CTNND2: variants seen among roughly 807,000 people sequenced by gnomAD.
CTNND2 encodes catenin delta-2.
In CTNND2, 22 loss-of-function variants were observed where a neutral mutation model predicts 144.4. That is an observed-to-expected ratio of 0.15 (90% CI 0.11 to 0.22). The LOEUF is 0.22. Among genes scored for constraint, CTNND2 ranks in the 10% least tolerant of loss-of-function variants. The probability of loss-of-function intolerance (pLI) is 1.00; values close to 1 mark genes in which losing one functional copy is unlikely to be tolerated. For synonymous variants in CTNND2, 751 were observed against 695.6 expected (o/e 1.08, Z -1.25); for missense variants, 1,353 against 1,618.8 (o/e 0.84, Z 2.82).
chr5:11,864,155 G>A (rs1795630044), intron 1 of CTNND2, among the ~76,000 whole-genome samples: 1 of 152,040 alleles, frequency 6.6e-6, no homozygotes, highest in Non-Finnish European at 1.5e-5. Context: ...ACAACGAAAG[G>A]CAGGCTTCCA....
At chr5:11,277,564 C>T (rs1746674149) in intron 9 of CTNND2, among the ~76,000 whole-genome samples, 1 of 145,448 alleles carries the variant, frequency 6.9e-6, no homozygotes, top group Non-Finnish European at 1.5e-5. Context: ...GATGGAGTCT[C>T]TCTCTTACCC....
intron 1 of CTNND2, among the ~76,000 whole-genome samples, chr5:11,757,019 A>C (rs567112768): frequency 1.9e-3 from 281 of 151,864 alleles, no homozygotes; most frequent in African/African-American, 6.3e-3. Flanking sequence ...TCTGGTTTTC[A>C]AATATTCAAA....
intron 9 of CTNND2, among the ~76,000 whole-genome samples, chr5:11,289,007 C>T (rs1049232177): frequency 6.6e-6 from 1 of 152,152 alleles, no homozygotes; most frequent in Non-Finnish European, 1.5e-5. Context: ...ATAGAATCCC[C>T]ATGTGGCCTT....
rs1189834875 is a variant in CTNND2, at chr5:11,687,071, T to G, written c.174+45065A>C. Among the ~76,000 whole-genome samples, 3 of 152,120 alleles carry G rather than the reference T, an allele frequency of 2.0e-5. No individual in the cohort carries two copies. The East Asian group carries it at 5.8e-4, about 29-fold the overall frequency. On this transcript the variant is annotated intron_variant, in intron 2 of 21. Transcript: ENST00000304623. ...TTAAACTCACCCTCTCTCCCCATTT[T>G]CAATATAATTCACCTGGTTAAGTTC...
chr5:11,464,152 T>C (rs1018128604), intron 3 of CTNND2, among the ~76,000 whole-genome samples: 4 of 152,224 alleles, frequency 2.6e-5, no homozygotes, highest in African/African-American at 9.6e-5. Flanking sequence ...CCTAGTCCTC[T>C]TTAGGCATTG....
chr5:11,358,071 A>G (rs748714125), intron 8 of CTNND2, among the ~76,000 whole-genome samples: 6 of 152,114 alleles, frequency 3.9e-5, no homozygotes, highest in Non-Finnish European at 7.4e-5. Context: ...ATTCTTTTCA[A>G]CATTGCTACG....
intron 12 of CTNND2, among the ~76,000 whole-genome samples, chr5:11,125,469 C>T (rs1387154910): frequency 1.3e-5 from 2 of 152,248 alleles, no homozygotes; most frequent in Non-Finnish European, 2.9e-5. Context: ...GCCTCCTCAT[C>T]CGGGAGGTGC....
chr5:11,101,885 A>ATGTG (rs1491537465), intron 14 of CTNND2, among the ~76,000 whole-genome samples: 2 of 89,580 alleles, frequency 2.2e-5, no homozygotes, highest in African/African-American at 4.6e-5. Context: ...TGACGACCAC[A>ATGTG]TATGTGTGTG....
intron 18 of CTNND2, among the ~76,000 whole-genome samples, chr5:11,016,137 C>A (rs1431771099): frequency 6.6e-6 from 1 of 152,136 alleles, no homozygotes; most frequent in East Asian, 1.9e-4. Context: ...GGAGGGCTGA[C>A]TAATTTCCAT....
chr5:11,458,331 T>G (rs1211440939), intron 3 of CTNND2, among the ~76,000 whole-genome samples: 2 of 152,178 alleles, frequency 1.3e-5, no homozygotes, highest in Non-Finnish European at 2.9e-5. Flanking sequence ...ATTGGGTAGT[T>G]TATACACACA....
chr5:11,335,685 T>C (rs1753663798), intron 9 of CTNND2, among the ~76,000 whole-genome samples: 1 of 152,162 alleles, frequency 6.6e-6, no homozygotes, highest in Admixed American at 6.6e-5. Context: ...ACTGACTTCC[T>C]AGGACTAAAT....
At chr5:11,164,629 C>T (rs1337693602) in intron 11 of CTNND2, among the ~76,000 whole-genome samples, 1 of 152,160 alleles carries the variant, frequency 6.6e-6, no homozygotes, top group African/African-American at 2.4e-5. Context: ...ACACAAGCTC[C>T]TTTGTGTCGC....
intron 9 of CTNND2, among the ~76,000 whole-genome samples, chr5:11,272,967 A>G (rs1746172160): frequency 6.6e-6 from 1 of 152,206 alleles, no homozygotes. Context: ...GTCTGATGAC[A>G]GGGAACACTA....
intron 3 of CTNND2, among the ~76,000 whole-genome samples, chr5:11,488,826 T>C (rs932709543): frequency 1.3e-5 from 2 of 152,238 alleles, no homozygotes; most frequent in Non-Finnish European, 2.9e-5. Flanking sequence ...CATAATCTTT[T>C]CCAAATGTCT....
At chr5:10,980,470 T>C (rs1737084426) in intron 21 of CTNND2, among the ~76,000 whole-genome samples, 1 of 152,190 alleles carries the variant, frequency 6.6e-6, no homozygotes, top group Non-Finnish European at 1.5e-5. Context: ...AGTTCAACCA[T>C]TGTGGAAGAC....
chr5:11,138,163 GC>G (rs370543776), intron 12 of CTNND2, among the ~76,000 whole-genome samples: 196 of 152,200 alleles, frequency 1.3e-3, no homozygotes, highest in African/African-American at 4.2e-3. Context: ...TTGGCGTGTG[GC>G]CTCCTTTCTC....
chr5:11,608,639 C>T (rs956409376), intron 2 of CTNND2, among the ~76,000 whole-genome samples: 21 of 152,158 alleles, frequency 1.4e-4, no homozygotes, highest in Non-Finnish European at 1.2e-4. Flanking sequence ...TCTACTGCTG[C>T]CAACTAGCCC....
chr5:11,250,491 C>CTCTCTCTCTCTCTCTATATATATA (rs869141186), intron 9 of CTNND2, among the ~76,000 whole-genome samples: 1 of 64,110 alleles, frequency 1.6e-5, no homozygotes. Context: ...CTCTCTCTCT[C>CTCTCTCTCTCTCTCTATATATATA]TATATATATA....
intron 3 of CTNND2, among the ~76,000 whole-genome samples, chr5:11,530,862 G>GT (rs1773688476): frequency 6.6e-6 from 1 of 152,274 alleles, no homozygotes; most frequent in South Asian, 2.1e-4. Context: ...CTTGACTGGG[G>GT]TTTTTTAACT....
Sources: gnomAD v4.1 joint callset for allele counts (sites outside exome capture counted in the v4.1 genomes callset) on GRCh38, gnomAD v4.1.1 for gene constraint, MANE v1.5 for transcripts, NCBI Gene and HGNC (gene_info 2026-07-23, HGNC 2026-07-21) for gene names.